The following SMYD1 variants were observed in gnomAD, a reference collection of about 807,000 sequenced individuals.
SMYD1 encodes SET and MYND domain containing 1.
A neutral mutation model predicts 54.0 loss-of-function variants in SMYD1; 49 were observed. The observed-to-expected ratio is 0.91, with a 90% CI of 0.72 to 1.15. SMYD1 has a LOEUF of 1.15. Among genes scored for constraint, SMYD1 ranks in the 50% most tolerant of loss-of-function variants. The pLI, the probability that SMYD1 is intolerant of heterozygous loss-of-function variation, is 0.00. For synonymous variants in SMYD1, 269 were observed against 234.2 expected, an observed-to-expected ratio of 1.15 and a Z score of -1.36; for missense variants, 653 against 639.6, an observed-to-expected ratio of 1.02 and a Z score of -0.23.
intron 5 of SMYD1, among the ~76,000 whole-genome samples, chr2:88,094,022 G>T (rs1417013970): frequency 6.6e-6 from 1 of 152,232 alleles, no homozygotes; most frequent in East Asian, 1.9e-4. Context: ...TCCGCTTACT[G>T]CTTCTGACCA....
At chr2:88,077,628 CT>C (rs1323492450) in intron 1 of SMYD1, among the ~76,000 whole-genome samples, 1 of 151,860 alleles carries the variant, frequency 6.6e-6, no homozygotes, top group African/African-American at 2.4e-5. Context: ...GACAAATGCT[CT>C]TTCTCGGAAT....
At chr2:88,070,955 A>C (rs1473649020) in intron 1 of SMYD1, among the ~76,000 whole-genome samples, 1 of 151,528 alleles carries the variant, frequency 6.6e-6, no homozygotes, top group Non-Finnish European at 1.5e-5. Flanking sequence ...AAAAAAAAAA[A>C]AAAAAAAAAA....
chr2:88,097,955 T>C (rs1674632139), intron 6 of SMYD1, among the ~76,000 whole-genome samples: 1 of 152,114 alleles, frequency 6.6e-6, no homozygotes, highest in South Asian at 2.1e-4. Context: ...GTCCAAGGAT[T>C]TATGTTTTCT....
intron 1 of SMYD1, among the ~76,000 whole-genome samples, chr2:88,081,429 C>G (rs1430087866): frequency 1.3e-5 from 2 of 151,130 alleles, no homozygotes; most frequent in African/African-American, 4.9e-5. Flanking sequence ...GTAATTTGAC[C>G]CTAATTTTTT....
At position 88,096,646 on chromosome 2, in the gene SMYD1, G is replaced by A. The variant is rs141332423; in HGVS notation, c.750G>A (p.Val250=). The A allele has an allele frequency of 1.4e-5, 23 of 1,614,028 alleles. No homozygotes were observed. The highest frequency in any genetic ancestry group is 1.9e-5 in the Non-Finnish European group (22 of 1,180,004). ...GKISEGEELT[V]SYIDFLNVSE... ...TCTCAGAAGGAGAGGAGCTGACTGT[G>A]TCCTATATTGACTTCCTCAACGTTA... is the stretch of plus-strand genomic sequence containing the variant. The change falls in exon 6 of 10, where the codon GTG becomes GTA. Residue 250 remains valine (V), a synonymous_variant. Coordinates refer to ENST00000419482, the MANE Select transcript of SMYD1 (RefSeq NM_198274.4).
chr2:88,084,775 G>T lies in SMYD1; in HGVS notation c.314+283G>T, dbSNP rs547132905. ...AGTTTATTTAGGTATTTTGGATACA[G>T]GGTCTGCTCTGTTGCCCAGGTTGGA... On this transcript the variant is annotated intron_variant, in intron 2 of 9. Coordinates refer to ENST00000419482, the MANE Select transcript of SMYD1 (RefSeq NM_198274.4). 7.2e-5 allele frequency among the ~76,000 whole-genome samples: 11 copies of T among 152,270 alleles called. No homozygotes were observed. The South Asian group carries it at 2.3e-3, about 32-fold the overall frequency.
rs757378219 is a variant in SMYD1, at chr2:88,108,502, C to T, written c.1277C>T (p.Thr426Ile). ...AAAGCCTATGCCATTCTCCTGGTGA[C>T]ACACGGACCCTCCCACCCCATCACT... is the stretch of plus-strand genomic sequence containing the variant. ...ICKAYAILLV[T>I]HGPSHPITKD... Residue 426 changes from threonine to isoleucine, a missense_variant, in exon 9 of 10, where the codon ACA becomes ATA. By Grantham distance (89) the Thr-to-Ile change is moderately conservative. Coordinates refer to ENST00000419482, the MANE Select transcript of SMYD1 (RefSeq NM_198274.4). 3 of 1,607,854 alleles carry T rather than the reference C, an allele frequency of 1.9e-6. No individual in the cohort carries two copies. Among genetic ancestry groups the T allele is most frequent in the East Asian group, 4.5e-5 (2 of 44,138 alleles).
At position 88,093,503 on chromosome 2, in the gene SMYD1, G is replaced by A; in HGVS notation, c.660-14G>A. On this transcript the variant is annotated splice_polypyrimidine_tract_variant and intron_variant, in intron 4 of 9. Transcript: ENST00000419482. ...GATAATGATTTCCATATGGGTGTCT[G>A]TTTTGTCTTTCAGTCATGAGGCAGT... is the stretch of plus-strand genomic sequence containing the variant. 2 of 1,614,158 alleles carry A rather than the reference G, an allele frequency of 1.2e-6. No individual in the cohort carries two copies. Among genetic ancestry groups the A allele is most frequent in the Non-Finnish European group, 1.7e-6 (2 of 1,180,024 alleles).
At chr2:88,093,840 C>T (rs997750054) in intron 5 of SMYD1, among the ~76,000 whole-genome samples, 1 of 152,138 alleles carries the variant, frequency 6.6e-6, no homozygotes, top group African/African-American at 2.4e-5. Flanking sequence ...TAGTCCACAT[C>T]GTCTTAGCAA....
intron 1 of SMYD1, among the ~76,000 whole-genome samples, chr2:88,074,275 C>G (rs1160057805): frequency 6.6e-6 from 1 of 152,204 alleles, no homozygotes; most frequent in Non-Finnish European, 1.5e-5. Flanking sequence ...AACAGGCTGA[C>G]ACTTCTGTTT....
chr2:88,078,346 G>T (rs1286267456), intron 1 of SMYD1, among the ~76,000 whole-genome samples: 1 of 152,188 alleles, frequency 6.6e-6, no homozygotes, highest in Admixed American at 6.5e-5. Context: ...TTTTAAAATA[G>T]TAAGTATATT....
intron 6 of SMYD1, among the ~76,000 whole-genome samples, chr2:88,099,548 C>A (rs1674673627): frequency 6.6e-6 from 1 of 151,882 alleles, no homozygotes; most frequent in South Asian, 2.1e-4. Context: ...TATGGTGAAA[C>A]CCCATCTCTA....
chr2:88,087,981 AG>A lies in SMYD1; in HGVS notation c.436del (p.Asp146ThrfsTer31). 6.2e-7 allele frequency: 1 copy of A among 1,614,192 alleles called. No individual in the cohort carries two copies. The highest frequency in any genetic ancestry group is 8.5e-7 in the Non-Finnish European group (1 of 1,180,022). On this transcript the variant is annotated frameshift_variant, in exon 3 of 10. Coordinates refer to ENST00000419482, the MANE Select transcript of SMYD1 (RefSeq NM_198274.4). LOFTEE classifies it high-confidence loss of function. The part of the protein sequence containing the change: ...HVEHFGEEEQ[K>X]DLRVDVDTFL... ...GAGCACTTTGGGGAGGAGGAGCAGA[AG>A]GACCTGCGGGTGGACGTGGACACAT...
rs772698372 is a variant in SMYD1, at chr2:88,096,685, G to A, written c.789G>A (p.Lys263=). The A allele has an allele frequency of 3.7e-6, 6 of 1,614,112 alleles. No homozygotes were observed. In the East Asian group the frequency reaches 1.1e-4, roughly 30 times the overall value. ...TCCTCAACGTTAGTGAAGAACGCAA[G>A]AGGCAGCTGAAGAAGCAGTACTACT... ...IDFLNVSEER[K]RQLKKQYYFD... The change falls in exon 6 of 10, where the codon AAG becomes AAA. Residue 263 remains lysine, a synonymous_variant. Coordinates refer to ENST00000419482, the MANE Select transcript of SMYD1 (RefSeq NM_198274.4).
intron 4 of SMYD1, among the ~76,000 whole-genome samples, chr2:88,092,474 T>C (rs79637361): frequency 0.017 from 2,572 of 152,204 alleles, 64 homozygotes; most frequent in African/African-American, 0.057. Context: ...AATGAGCAAG[T>C]TTCCCCCAAA....
At position 88,088,076 on chromosome 2, in the gene SMYD1, G is replaced by A. The variant is rs1336340123; in HGVS notation, c.528+1G>A. 1 of 1,610,770 alleles carries A rather than the reference G, an allele frequency of 6.2e-7. No homozygotes were observed. The highest frequency in any genetic ancestry group is 2.2e-5 in the East Asian group (1 of 44,772). ...GTACATCTCGCACATCTTCGGAGTG[G>A]TAGGCCCCCTGCGTCCCTTCTCCAT... On this transcript the variant is annotated splice_donor_variant, in intron 3 of 9. Coordinates refer to ENST00000419482, the MANE Select transcript of SMYD1 (RefSeq NM_198274.4). LOFTEE classifies it high-confidence loss of function.
chr2:88,106,096 G>T (rs762136706), intron 7 of SMYD1, among the ~76,000 whole-genome samples: 1 of 151,912 alleles, frequency 6.6e-6, no homozygotes, highest in Non-Finnish European at 1.5e-5. Flanking sequence ...GAAACTCCTC[G>T]CTGTGCTGCA....
chr2:88,113,306 G>T lies in SMYD1; in HGVS notation c.*2794G>T, dbSNP rs1675072199. ...TGAATTTGCTTACTTCAAGGCAAAA[G>T]AACCATGAAACTGTATTTTGAGTTT... On this transcript the variant is annotated 3_prime_UTR_variant, in exon 10 of 10. Transcript: ENST00000419482. The T allele has an allele frequency of 6.6e-6, 1 of 152,228 alleles. No individual in the cohort carries two copies. The highest frequency in any genetic ancestry group is 2.4e-5 in the African/African-American group (1 of 41,464). 9.4% of individuals were successfully genotyped at this position (152,228 alleles called of 1,614,324 possible). A position where few individuals can be genotyped will look rare whatever the true frequency, so the allele number is the denominator to read the frequency against.
intron 9 of SMYD1, 138 bp from the exon 10 acceptor site, chr2:88,110,216 T>TGTGTGTGTGA: frequency 1.2e-6 from 1 of 813,892 alleles, no homozygotes; most frequent in Admixed American, 2.7e-5. Flanking sequence ...TGTGTGTGTG[T>TGTGTGTGTGA]GTGTGTGTGT....
Sources: gnomAD v4.1 joint callset for allele counts (sites outside exome capture counted in the v4.1 genomes callset) on GRCh38, gnomAD v4.1.1 for gene constraint, MANE v1.5 for transcripts, NCBI Gene and HGNC (gene_info 2026-07-23, HGNC 2026-07-21) for gene names.